The following CUX1 variants were observed in gnomAD, a reference collection of about 807,000 sequenced individuals.
The protein encoded by CUX1 is cut like homeobox 1, also known as protein CASP.
In CUX1, 31 loss-of-function variants were observed where a neutral mutation model predicts 158.8. The ratio of observed to expected loss-of-function variants is 0.20; its 90% CI spans 0.15 to 0.26. The LOEUF (loss-of-function observed/expected upper bound fraction) is 0.26. Among genes scored for constraint, CUX1 ranks in the 10% least tolerant of loss-of-function variants. CUX1 has a pLI of 1.00. For synonymous variants in CUX1, 879 were observed against 862.1 expected, an observed-to-expected ratio of 1.02 and a Z score of -0.34; for missense variants, 1,589 against 2,014.6, an observed-to-expected ratio of 0.79 and a Z score of 4.04.
In CUX1 at chr7:101,940,910, G is replaced by A. The variant is rs117130313; in HGVS notation, c.141+24685G>A. 2.8e-4 allele frequency among the ~76,000 whole-genome samples: 42 copies of A among 152,330 alleles called. No homozygotes were observed. In the East Asian group the frequency reaches 7.7e-3, roughly 28 times the overall value. Reference sequence around the variant, plus strand: ...AGTTCTTCAAGCCCAGAGAGGGTCCGTGACTTGCTCAGAGTCACACAGCAA... The same window carrying A: ...AGTTCTTCAAGCCCAGAGAGGGTCCATGACTTGCTCAGAGTCACACAGCAA... On this transcript the variant is annotated intron_variant, in intron 2 of 23. Transcript: ENST00000292535.
chr7:102,113,978 G>T (rs1831201562), intron 7 of CUX1, among the ~76,000 whole-genome samples: 1 of 152,176 alleles, frequency 6.6e-6, no homozygotes, highest in Non-Finnish European at 1.5e-5. Flanking sequence ...GGCATGGAAG[G>T]AGCCTCTTGG....
At chr7:101,914,898 G>A (rs371205178) in intron 1 of CUX1, among the ~76,000 whole-genome samples, 7 of 152,212 alleles carry the variant, frequency 4.6e-5, no homozygotes, top group Non-Finnish European at 8.8e-5. Flanking sequence ...AACTTGTAAC[G>A]TGTAGGTTTG....
intron 20 of CUX1, among the ~76,000 whole-genome samples, chr7:102,217,457 T>C (rs547457163): frequency 1.3e-5 from 2 of 152,370 alleles, no homozygotes; most frequent in South Asian, 4.1e-4. Context: ...TTCCTCCTCG[T>C]GCATTTCAGG....
rs543613361 is a variant in CUX1 at position 102,027,470 on chromosome 7, C to T, written c.142-628C>T. On this transcript the variant is annotated intron_variant, in intron 2 of 23. Coordinates refer to ENST00000292535, the MANE Select transcript of CUX1 (RefSeq NM_181552.4). ...ACCCCCCATTCTAGTCTATTTTATT[C>T]TAAGCAGATTATCTCACTTAGACTG... Among the ~76,000 whole-genome samples, 3 of 152,290 alleles carry T rather than the reference C, an allele frequency of 2.0e-5. No individual in the cohort carries two copies. In the South Asian group the frequency reaches 6.2e-4, roughly 32 times the overall value.
chr7:101,913,411 G>A (rs1323186811), intron 1 of CUX1: 12 of 1,259,118 alleles, frequency 9.5e-6, no homozygotes, highest in Middle Eastern at 2.2e-4. Flanking sequence ...TGCCGCAGGC[G>A]CACTGGCTCT....
intron 3 of CUX1, among the ~76,000 whole-genome samples, chr7:102,031,262 T>C (rs1485532891): frequency 1.3e-5 from 2 of 152,158 alleles, no homozygotes; most frequent in East Asian, 3.9e-4. Context: ...TTTCACCATG[T>C]TGATCAGGCT....
chr7:102,239,336 G>A lies in CUX1; in HGVS notation c.3639G>A (p.Arg1213=), dbSNP rs781982737. 6.4e-5 allele frequency: 103 copies of A among 1,607,546 alleles called. No individual in the cohort carries two copies. The highest frequency in any genetic ancestry group is 8.7e-5 in the Non-Finnish European group (102 of 1,175,962). The change falls in exon 23 of 24, where the codon CGG becomes CGA. Residue 1213 remains arginine, a synonymous_variant. Coordinates refer to ENST00000292535, the MANE Select transcript of CUX1 (RefSeq NM_181552.4). ...CCTCCGCAGCCTACATGAAGCGGCG[G>A]CACAGCTCAGTCAGTGACAGCCAGC... is the stretch of plus-strand genomic sequence containing the variant. ...RMEKKAYMKR[R]HSSVSDSQPC...
chr7:102,065,447 A>G (rs1057484233), intron 3 of CUX1, among the ~76,000 whole-genome samples: 1 of 152,020 alleles, frequency 6.6e-6, no homozygotes, highest in African/African-American at 2.4e-5. Flanking sequence ...TCCTGCCTCC[A>G]TTTCCTAAAT....
intron 3 of CUX1, among the ~76,000 whole-genome samples, chr7:102,068,157 A>C (rs1825754156): frequency 6.6e-6 from 1 of 151,792 alleles, no homozygotes; most frequent in Non-Finnish European, 1.5e-5. Flanking sequence ...AGTTGTACGA[A>C]CACAGCTCAC....
intron 2 of CUX1, among the ~76,000 whole-genome samples, chr7:101,935,161 A>G (rs1370024095): frequency 1.3e-5 from 2 of 152,080 alleles, no homozygotes; most frequent in South Asian, 2.1e-4. Context: ...GCCTTAACTG[A>G]TGACATTATC....
rs201131776 is a variant in CUX1 at position 101,839,795 on chromosome 7, CTT to C, written c.30+22127_30+22128del. On this transcript the variant is annotated intron_variant, in intron 1 of 23. Transcript: ENST00000292535. The stretch of plus-strand genomic sequence containing the variant: ...TTTGTTTTTTGAGACAGAGTTTGCT[CTT>C]GTTGCCCAGGCTGGAGTACAATGGC... Among the ~76,000 whole-genome samples, 973 of 151,896 alleles carry C rather than the reference CTT, an allele frequency of 6.4e-3. 14 individuals carry two copies. The highest frequency in any genetic ancestry group is 0.022 in the African/African-American group (904 of 41,422).
intron 20 of CUX1, among the ~76,000 whole-genome samples, chr7:102,207,315 T>C (rs1796052428): frequency 6.6e-6 from 1 of 152,140 alleles, no homozygotes; most frequent in Non-Finnish European, 1.5e-5. Context: ...CCGCCTTCCA[T>C]GTCATTCCAG....
Position 101,840,905 on chromosome 7 carries a change from T to A in CUX1, c.30+23236T>A, listed in dbSNP as rs184266258. On this transcript the variant is annotated intron_variant, in intron 1 of 23. Coordinates refer to ENST00000292535, the MANE Select transcript of CUX1 (RefSeq NM_181552.4). The stretch of plus-strand genomic sequence containing the variant: ...ATTTTATTTTATTATTATTATTATT[T>A]TTTTTTGAGACGGAGTCTTGCTCTA... Among the ~76,000 whole-genome samples the A allele has an allele frequency of 3.3e-3, 508 of 151,816 alleles. 1 individual carries two copies. The highest frequency in any genetic ancestry group is 5.4e-3 in the Non-Finnish European group (369 of 67,936).
chr7:101,912,583 C>A (rs1472632260), intron 1 of CUX1, among the ~76,000 whole-genome samples: 1 of 152,206 alleles, frequency 6.6e-6, no homozygotes, highest in Non-Finnish European at 1.5e-5. Context: ...AAGTCCCTCT[C>A]CCCACCGGCC....
chr7:101,823,570 CAG>C (rs1480148112), intron 1 of CUX1, among the ~76,000 whole-genome samples: 3 of 152,178 alleles, frequency 2.0e-5, no homozygotes, highest in Non-Finnish European at 2.9e-5. Flanking sequence ...AGGAAATTAA[CAG>C]AGCTTACTCT....
chr7:101,980,121 G>C (rs1249677544), intron 2 of CUX1, among the ~76,000 whole-genome samples: 1 of 152,234 alleles, frequency 6.6e-6, no homozygotes, highest in Non-Finnish European at 1.5e-5. Flanking sequence ...GTGCCCTGCA[G>C]TGTCATTCTG....
At chr7:102,030,255 G>A (rs565346300) in intron 3 of CUX1, among the ~76,000 whole-genome samples, 15 of 152,090 alleles carry the variant, frequency 9.9e-5, no homozygotes, top group African/African-American at 2.9e-4. Context: ...CAGGTGATCC[G>A]CCCGCTTCGA....
chr7:102,057,800 G>A (rs933053737), intron 3 of CUX1, among the ~76,000 whole-genome samples: 1 of 152,206 alleles, frequency 6.6e-6, no homozygotes, highest in African/African-American at 2.4e-5. Context: ...GACAACAAAG[G>A]ATTTAGAATA....
chr7:102,248,313 G>A lies in CUX1; in HGVS notation c.3888-99G>A, dbSNP rs966666588. Reference sequence around the variant, plus strand: ...CACGGAGGGGCCTCCAGGCTGGACGGAGCAGGAGCCCCAGAGAGAGGGGTC... The same window carrying A: ...CACGGAGGGGCCTCCAGGCTGGACGAAGCAGGAGCCCCAGAGAGAGGGGTC... On this transcript the variant is annotated intron_variant, in intron 23 of 23. Coordinates refer to ENST00000292535, the MANE Select transcript of CUX1 (RefSeq NM_181552.4). This position sits in a 1 kb window ranked among gnomAD's most constrained non-coding sequence, Gnocchi z 5.8. The A allele has an allele frequency of 1.9e-5, 22 of 1,179,124 alleles. No homozygotes were observed. In the African/African-American group the frequency reaches 3.0e-4, roughly 16 times the overall value. 73.0% of individuals were successfully genotyped at this position (1,179,124 alleles called of 1,614,324 possible).
Sources: gnomAD v4.1 joint callset for allele counts (sites outside exome capture counted in the v4.1 genomes callset) on GRCh38, gnomAD v4.1.1 for gene constraint, Gnocchi (gnomAD v3.1) non-coding constraint, MANE v1.5 for transcripts, NCBI Gene and HGNC (gene_info 2026-07-23, HGNC 2026-07-21) for gene names.